OXR1: variants seen among roughly 807,000 people sequenced by gnomAD.
OXR1 encodes the protein oxidation resistance protein 1.
Under a neutral mutation model 104.6 loss-of-function variants are expected in OXR1, and 41 were observed. The observed-to-expected ratio is 0.39, with a 90% confidence interval of 0.31 to 0.51. The LOEUF (loss-of-function observed/expected upper bound fraction) is 0.51, where lower values mean the gene tolerates loss of function less well. OXR1 is among the 20% of genes least tolerant of loss of function. The probability of loss-of-function intolerance (pLI) is 0.77; values close to 1 mark genes in which losing one functional copy is unlikely to be tolerated. For missense variants in OXR1, 955 were observed against 1,031.9 expected (o/e 0.93, Z 1.02); for synonymous variants, 348 against 348.4 (o/e 1.00, Z 0.01).
chr8:106,582,182 A>ATG (rs935807061), intron 3 of OXR1, among the ~76,000 whole-genome samples: 1 of 142,096 alleles, frequency 7.0e-6, no homozygotes, highest in Non-Finnish European at 1.5e-5. Flanking sequence ...ATTGACATAT[A>ATG]TATATATATA....
intron 1 of OXR1, among the ~76,000 whole-genome samples, chr8:106,273,224 T>G (rs1268630605): frequency 2.0e-5 from 3 of 148,396 alleles, no homozygotes; most frequent in Non-Finnish European, 4.5e-5. Flanking sequence ...TTTGTTGCCC[T>G]AAGATAAAGT....
At chr8:106,725,122 GA>G (rs1833201603) in intron 11 of OXR1, among the ~76,000 whole-genome samples, 2 of 152,236 alleles carry the variant, frequency 1.3e-5, no homozygotes, top group South Asian at 4.1e-4. Flanking sequence ...CTGTGGGAGA[GA>G]TTTTAGGGTA....
chr8:106,747,511 T>C (rs1488891710), intron 16 of OXR1, among the ~76,000 whole-genome samples: 1 of 152,228 alleles, frequency 6.6e-6, no homozygotes, highest in Non-Finnish European at 1.5e-5. Flanking sequence ...ACTACTTTTA[T>C]TCCTTCCACT....
chr8:106,474,681 G>A (rs1821707354), intron 2 of OXR1, among the ~76,000 whole-genome samples: 1 of 151,926 alleles, frequency 6.6e-6, no homozygotes, highest in Middle Eastern at 3.2e-3. Context: ...CAGCAGAGGT[G>A]AGTAGTTGTG....
At chr8:106,570,337 G>A (rs1340465046) in intron 3 of OXR1, among the ~76,000 whole-genome samples, 1 of 152,116 alleles carries the variant, frequency 6.6e-6, no homozygotes, top group Non-Finnish European at 1.5e-5. Context: ...TTGCCGTATT[G>A]CATAGAGCTC....
chr8:106,682,704 G>A lies in OXR1; in HGVS notation c.304-495G>A, dbSNP rs533283408. ...TTTCTACACATATGATCATGGAAAC[G>A]TACGAATGATTCAGAACTAAATAAC... On this transcript the variant is annotated intron_variant, in intron 4 of 16. Transcript: ENST00000517566. Among the ~76,000 whole-genome samples the A allele has an allele frequency of 4.6e-5, 7 of 152,156 alleles. No homozygotes were observed. In the East Asian group the frequency reaches 1.2e-3, roughly 25 times the overall value.
intron 3 of OXR1, among the ~76,000 whole-genome samples, chr8:106,598,969 T>C (rs1819735728): frequency 6.6e-6 from 1 of 152,222 alleles, no homozygotes; most frequent in Non-Finnish European, 1.5e-5. Flanking sequence ...AAGTATTACC[T>C]TCAGGTTTCA....
chr8:106,733,016 T>C (rs1229495697), intron 11 of OXR1, among the ~76,000 whole-genome samples: 1 of 152,138 alleles, frequency 6.6e-6, no homozygotes, highest in Non-Finnish European at 1.5e-5. Flanking sequence ...GTGCTTTCTG[T>C]TTTAGGAGGT....
chr8:106,490,296 C>CAG, intron 2 of OXR1, among the ~76,000 whole-genome samples: 1 of 152,226 alleles, frequency 6.6e-6, no homozygotes, highest in Admixed American at 6.5e-5. Context: ...CTATGATAAA[C>CAG]AGAGGTAAAG....
intron 2 of OXR1, among the ~76,000 whole-genome samples, chr8:106,463,820 A>C (rs1271451657): frequency 1.3e-5 from 2 of 152,112 alleles, no homozygotes; most frequent in East Asian, 3.9e-4. Context: ...ATTTAGGAAG[A>C]GCTCAATAAA....
intron 2 of OXR1, among the ~76,000 whole-genome samples, chr8:106,390,796 G>A (rs1271178012): frequency 2.6e-5 from 4 of 152,060 alleles, no homozygotes; most frequent in Non-Finnish European, 5.9e-5. Context: ...TCTTCTGTAA[G>A]TCAATATGTA....
chr8:106,348,292 AAC>A (rs1017539638), intron 1 of OXR1, among the ~76,000 whole-genome samples: 1 of 152,118 alleles, frequency 6.6e-6, no homozygotes, highest in Non-Finnish European at 1.5e-5. Flanking sequence ...GTCTTCAGAA[AAC>A]ACACACAAAC....
intron 3 of OXR1, among the ~76,000 whole-genome samples, chr8:106,564,300 A>T (rs1236715901): frequency 1.3e-5 from 2 of 152,176 alleles, no homozygotes. Flanking sequence ...GATAAAGGGG[A>T]GATCACCACT....
intron 2 of OXR1, among the ~76,000 whole-genome samples, chr8:106,507,254 TG>T (rs1394490416): frequency 1.3e-5 from 2 of 152,234 alleles, no homozygotes; most frequent in Non-Finnish European, 2.9e-5. Flanking sequence ...ATACTTTATC[TG>T]GATGGTGTTA....
chr8:106,643,898 C>T (rs7832868), intron 3 of OXR1, among the ~76,000 whole-genome samples: 2,631 of 152,228 alleles, frequency 0.017, 55 homozygotes, highest in African/African-American at 0.06. Flanking sequence ...ATGTTAAGGG[C>T]ATTGTGTGAA....
chr8:106,364,844 G>T lies in OXR1; in HGVS notation c.23+5208G>T, dbSNP rs1181804235. 2.6e-5 allele frequency among the ~76,000 whole-genome samples: 4 copies of T among 152,224 alleles called. No homozygotes were observed. The South Asian group carries it at 8.3e-4, about 32-fold the overall frequency. ...ACTTCATTTTAAGGAGGTGGAATGG[G>T]GAAATCAAACTCTTATCTCAAAAAT... On this transcript the variant is annotated intron_variant, in intron 2 of 16. Transcript: ENST00000517566.
At chr8:106,645,017 C>T (rs971803549) in intron 3 of OXR1, among the ~76,000 whole-genome samples, 15 of 151,956 alleles carry the variant, frequency 9.9e-5, no homozygotes, top group Admixed American at 5.2e-4. Flanking sequence ...CTTAGATTGG[C>T]GGATTTAAGA....
At chr8:106,387,767 C>T (rs1817436088) in intron 2 of OXR1, among the ~76,000 whole-genome samples, 1 of 152,124 alleles carries the variant, frequency 6.6e-6, no homozygotes, top group South Asian at 2.1e-4. Context: ...ATTCGATTTT[C>T]CAGGTAATAA....
chr8:106,621,549 T>C (rs1821704520), intron 3 of OXR1, among the ~76,000 whole-genome samples: 1 of 152,104 alleles, frequency 6.6e-6, no homozygotes, highest in African/African-American at 2.4e-5. Flanking sequence ...TTTTGCATCT[T>C]TAAAAGACAG....
Sources: gnomAD v4.1 joint callset for allele counts (sites outside exome capture counted in the v4.1 genomes callset) on GRCh38, gnomAD v4.1.1 for gene constraint, MANE v1.5 for transcripts, NCBI Gene and HGNC (gene_info 2026-07-23, HGNC 2026-07-21) for gene names.